The following PPARD variants were observed in gnomAD, a reference collection of about 807,000 sequenced individuals.
The protein encoded by PPARD is peroxisome proliferator-activated receptor delta.
In PPARD, 6 loss-of-function variants were observed where a neutral mutation model predicts 39.5. That is an observed-to-expected ratio of 0.15 (90% CI 0.08 to 0.30). The LOEUF (loss-of-function observed/expected upper bound fraction) is 0.30, where lower values mean the gene tolerates loss of function less well. Among genes scored for constraint, PPARD ranks in the 10% least tolerant of loss-of-function variants. The pLI is 1.00. For synonymous variants in PPARD, 210 were observed against 231.3 expected, an observed-to-expected ratio of 0.91 and a Z score of 0.83; for missense variants, 397 against 596.8, an observed-to-expected ratio of 0.67 and a Z score of 3.49.
intron 2 of PPARD, among the ~76,000 whole-genome samples, chr6:35,359,285 C>T (rs1761798272): frequency 6.6e-6 from 1 of 152,152 alleles, no homozygotes; most frequent in African/African-American, 2.4e-5. Flanking sequence ...CCTCTCCTCC[C>T]CCTCACACCA....
chr6:35,426,210 C>A lies in PPARD; in HGVS notation c.*131C>A. ...GCAGAGTCCCACGATCGCCCTCAGA[C>A]ACATGACACCCACGGCCTCTGGCTC... On this transcript the variant is annotated 3_prime_UTR_variant, in exon 8 of 8. Transcript: ENST00000360694. 7.9e-7 allele frequency: 1 copy of A among 1,262,088 alleles called. No homozygotes were observed. Among genetic ancestry groups the A allele is most frequent in the Non-Finnish European group, 1.1e-6 (1 of 930,816 alleles). The allele number at this position is 1,262,088 out of a possible 1,614,324, so 78.2% of individuals were successfully genotyped here.
intron 3 of PPARD, among the ~76,000 whole-genome samples, chr6:35,418,937 G>T (rs920660382): frequency 6.6e-6 from 1 of 152,232 alleles, no homozygotes; most frequent in Non-Finnish European, 1.5e-5. Context: ...GAAGCTGGGG[G>T]AGTGGGGAGA....
intron 2 of PPARD, among the ~76,000 whole-genome samples, chr6:35,382,628 G>A (rs1488935620): frequency 6.6e-6 from 1 of 152,172 alleles, no homozygotes; most frequent in Non-Finnish European, 1.5e-5. Flanking sequence ...GGAAGTTAGA[G>A]AGGCAATGGG....
chr6:35,406,703 G>A (rs1419273363), intron 2 of PPARD, among the ~76,000 whole-genome samples: 1 of 152,160 alleles, frequency 6.6e-6, no homozygotes. Flanking sequence ...TCTAGCCAGA[G>A]TCCAGAACTG....
chr6:35,426,495 G>T lies in PPARD; in HGVS notation c.*416G>T, dbSNP rs1766587570. The T allele has an allele frequency of 1.1e-5, 2 of 188,844 alleles. No homozygotes were observed. Among genetic ancestry groups the T allele is most frequent in the East Asian group, 1.6e-4 (1 of 6,400 alleles). The allele number at this position is 188,844 out of a possible 1,614,324, so 11.7% of individuals were successfully genotyped here. A position where few individuals can be genotyped will look rare whatever the true frequency, so the allele number is the denominator to read the frequency against. On this transcript the variant is annotated 3_prime_UTR_variant, in exon 8 of 8. Coordinates refer to ENST00000360694, the MANE Select transcript of PPARD (RefSeq NM_006238.5). ...TCTGCTTTTGCACACCTTTTCCCCA[G>T]GAGCAGAAGAGAGTGGGGCCTGCCC...
rs547344437 is a variant in PPARD, at chr6:35,426,404, G to A, written c.*325G>A. 7 of 401,282 alleles carry A rather than the reference G, an allele frequency of 1.7e-5. No homozygotes were observed. The highest frequency in any genetic ancestry group is 4.2e-5 in the Admixed American group (1 of 23,714). The allele number at this position is 401,282 out of a possible 1,614,324, so 24.9% of individuals were successfully genotyped here. On this transcript the variant is annotated 3_prime_UTR_variant, in exon 8 of 8. Transcript: ENST00000360694. ...CTCCCTTTCTCTCTCCACCCCCCAC[G>A]TCTGTCCTCCTTTCTTATTCTGTGA...
chr6:35,380,485 T>G (rs1363618682), intron 2 of PPARD, among the ~76,000 whole-genome samples: 3,367 of 125,506 alleles, frequency 0.027, 109 homozygotes, highest in African/African-American at 0.065. Context: ...TGTTTTTTTT[T>G]TTTTTTTTTT....
At chr6:35,395,356 C>T (rs555578570) in intron 2 of PPARD, among the ~76,000 whole-genome samples, 29 of 152,262 alleles carry the variant, frequency 1.9e-4, no homozygotes, top group Admixed American at 3.9e-4. Context: ...TGTAAAGGGG[C>T]CCCCTTCTAT....
Position 35,426,260 on chromosome 6 carries a change from C to T in PPARD, c.*181C>T, listed in dbSNP as rs200155093. ...CCCTGTGCCCTCTCTCCCGCTTCCTCCAGCCAGCTCTCTTCCTGTCTTTGT... is the reference window on the plus strand; with the variant it reads ...CCCTGTGCCCTCTCTCCCGCTTCCTTCAGCCAGCTCTCTTCCTGTCTTTGT... On this transcript the variant is annotated 3_prime_UTR_variant, in exon 8 of 8. Transcript: ENST00000360694. The T allele has an allele frequency of 1.5e-5, 11 of 719,374 alleles. No individual in the cohort carries two copies. Among genetic ancestry groups the T allele is most frequent in the Non-Finnish European group, 2.2e-5 (10 of 445,918 alleles). 44.6% of individuals were successfully genotyped at this position (719,374 alleles called of 1,614,324 possible). A position where few individuals can be genotyped will look rare whatever the true frequency, so the allele number is the denominator to read the frequency against.
intron 2 of PPARD, among the ~76,000 whole-genome samples, chr6:35,362,315 G>C (rs1761964588): frequency 1.3e-5 from 2 of 152,062 alleles, no homozygotes; most frequent in South Asian, 4.1e-4. Flanking sequence ...CTGTCTGGTT[G>C]TTCCTTGATG....
In PPARD at chr6:35,347,087, A is replaced by G. The variant is rs889927115; in HGVS notation, c.-165A>G. 6 of 1,535,854 alleles carry G rather than the reference A, an allele frequency of 3.9e-6. No individual in the cohort carries two copies. The highest frequency in any genetic ancestry group is 1.7e-4 in the Middle Eastern group (1 of 5,988). On this transcript the variant is annotated 5_prime_UTR_variant, in exon 2 of 8. The change abolishes an upstream ATG in the 5' untranslated region. Coordinates refer to ENST00000360694, the MANE Select transcript of PPARD (RefSeq NM_006238.5). ...TGCAGTGTTGTACAGTGTTTTGGGC[A>G]TGCACGTGATACTCACACAGTGGCT...
At chr6:35,392,729 C>T (rs547532053) in intron 2 of PPARD, among the ~76,000 whole-genome samples, 4 of 152,242 alleles carry the variant, frequency 2.6e-5, no homozygotes, top group African/African-American at 9.6e-5. Context: ...AGAGCTGTGA[C>T]AGCGACTCTG....
intron 2 of PPARD, among the ~76,000 whole-genome samples, chr6:35,383,627 C>A (rs1763296509): frequency 7.4e-6 from 1 of 134,250 alleles, no homozygotes; most frequent in Non-Finnish European, 1.5e-5. Flanking sequence ...GAAGGAGGAG[C>A]GTCTCTGCCC....
chr6:35,362,631 C>T (rs1761988139), intron 2 of PPARD, among the ~76,000 whole-genome samples: 1 of 152,030 alleles, frequency 6.6e-6, no homozygotes, highest in South Asian at 2.1e-4. Context: ...GAGAGGAGGG[C>T]CTGGGTCCCT....
chr6:35,386,287 C>T (rs569745569), intron 2 of PPARD, among the ~76,000 whole-genome samples: 3 of 150,548 alleles, frequency 2.0e-5, no homozygotes, highest in African/African-American at 4.9e-5. Flanking sequence ...TCTCTTACCA[C>T]GATGCATAGT....
intron 5 of PPARD, among the ~76,000 whole-genome samples, chr6:35,423,224 G>A (rs1025008143): frequency 5.0e-4 from 76 of 151,248 alleles, no homozygotes; most frequent in African/African-American, 1.6e-3. Flanking sequence ...GTGAGACCCT[G>A]TCTCAAAACA....
At chr6:35,408,894 C>T (rs1351683577) in intron 2 of PPARD, among the ~76,000 whole-genome samples, 3 of 152,194 alleles carry the variant, frequency 2.0e-5, no homozygotes, top group African/African-American at 7.2e-5. Flanking sequence ...ATACTATTAA[C>T]CAAAGTCAGT....
At chr6:35,357,598 G>A (rs1761692391) in intron 2 of PPARD, among the ~76,000 whole-genome samples, 1 of 150,672 alleles carries the variant, frequency 6.6e-6, no homozygotes, top group Non-Finnish European at 1.5e-5. Context: ...GCGCAGTGGT[G>A]TGATCTTGGC....
chr6:35,395,548 G>A (rs1365267972), intron 2 of PPARD, among the ~76,000 whole-genome samples: 1 of 152,178 alleles, frequency 6.6e-6, no homozygotes, highest in East Asian at 1.9e-4. Context: ...GAGGGTTTGG[G>A]AACCTGTCAA....
Sources: gnomAD v4.1 joint callset for allele counts (sites outside exome capture counted in the v4.1 genomes callset) on GRCh38, gnomAD v4.1.1 for gene constraint, MANE v1.5 for transcripts, NCBI Gene and HGNC (gene_info 2026-07-23, HGNC 2026-07-21) for gene names.